Variants in F2 observed in about 807,000 individuals in gnomAD.
The protein encoded by F2 is prothrombin.
Under a neutral mutation model 81.9 loss-of-function variants are expected in F2, and 34 were observed. That is an observed-to-expected ratio of 0.42 (90% CI 0.32 to 0.55). F2 has a LOEUF of 0.55. Ranked by LOEUF, F2 falls within the 20% of genes least tolerant of loss-of-function variation. The pLI is 0.18. For missense variants in F2, 630 were observed against 833.4 expected, an observed-to-expected ratio of 0.76 and a Z score of 3.00; for synonymous variants, 296 against 326.4, an observed-to-expected ratio of 0.91 and a Z score of 1.01.
Position 46,727,784 on chromosome 11 carries a change from T to A in F2, c.1131-212T>A, listed in dbSNP as rs3136469. On this transcript the variant is annotated intron_variant, in intron 9 of 13. Transcript: ENST00000311907. The stretch of plus-strand genomic sequence containing the variant: ...CAAGAGTGAGACCCTGTCTCAAAAA[T>A]AAATAAATAAATAAATAAAAAAGTG... Among the ~76,000 whole-genome samples, 9,834 of 151,552 alleles carry A rather than the reference T, an allele frequency of 0.065. 376 individuals are homozygous for A. Among genetic ancestry groups the A allele is most frequent in the Non-Finnish European group, 0.088 (5,974 of 67,842 alleles).
chr11:46,725,859 G>A lies in F2; in HGVS notation c.560G>A (p.Gly187Asp), dbSNP rs1167078314. The change falls in exon 7 of 14, where the codon GGC (glycine) becomes GAC (aspartate). Residue 187 changes from glycine (G) to aspartate (D), a missense_variant and splice_region_variant. Transcript: ENST00000311907. ...TGCCTCCTTGCCCCTCACCCACCAG[G>A]CCAGGATCAAGTCACTGTAGCGATG... ...RRQECSIPVC[G>D]QDQVTVAMTP... 6.2e-7 allele frequency: 1 copy of A among 1,612,590 alleles called. No individual in the cohort carries two copies. Among genetic ancestry groups the A allele is most frequent in the South Asian group, 1.1e-5 (1 of 91,032 alleles).
rs373387466 is a variant in F2 at position 46,726,184 on chromosome 11, T to C, written c.874+11T>C. ...ACCTCAACTATTGTGGTGAGCTGCCTGGGTAGGGGGCCTGAGTTGCAGGGA... is the reference window on the plus strand; with the variant it reads ...ACCTCAACTATTGTGGTGAGCTGCCCGGGTAGGGGGCCTGAGTTGCAGGGA... On this transcript the variant is annotated intron_variant, in intron 7 of 13. Coordinates refer to ENST00000311907, the MANE Select transcript of F2 (RefSeq NM_000506.5). The surrounding 1 kb of genome is among the most constrained non-coding windows in gnomAD (Gnocchi z 5.9). The C allele has an allele frequency of 7.4e-6, 12 of 1,612,266 alleles. No individual in the cohort carries two copies. The African/African-American group carries it at 9.3e-5, about 13-fold the overall frequency.
Position 46,720,665 on chromosome 11 carries a change from C to T in F2, c.265+118C>T, listed in dbSNP as rs1416239486. ...TCCACCCATCCACCCCTTCCCCACT[C>T]CTTCCTTGGTCCCTCCCATCTGTTC... On this transcript the variant is annotated intron_variant, in intron 3 of 13. Transcript: ENST00000311907. The T allele has an allele frequency of 1.9e-5, 29 of 1,497,048 alleles. 1 individual carries two copies. Among genetic ancestry groups the T allele is most frequent in the Non-Finnish European group, 2.6e-5 (28 of 1,073,896 alleles). 92.7% of individuals were successfully genotyped at this position (1,497,048 alleles called of 1,614,324 possible).
At chr11:46,725,058 C>T (rs2064862833) in intron 6 of F2, among the ~76,000 whole-genome samples, 1 of 144,972 alleles carries the variant, frequency 6.9e-6, no homozygotes, top group East Asian at 2.1e-4. Context: ...GGGTGAGGCA[C>T]TGCGCCCGGC....
In F2 at chr11:46,728,927, C is replaced by T; in HGVS notation, c.1472+90C>T. On this transcript the variant is annotated intron_variant, in intron 11 of 13. Coordinates refer to ENST00000311907, the MANE Select transcript of F2 (RefSeq NM_000506.5). The surrounding 1 kb of genome is among the most constrained non-coding windows in gnomAD (Gnocchi z 5.1). ...AAGTAGCCTTGCAAGAGCCCCTTTC[C>T]CTTTTCCAGGCCTCGGTTTCTTGGA... The T allele has an allele frequency of 7.0e-7, 1 of 1,430,136 alleles. No homozygotes were observed. Among genetic ancestry groups the T allele is most frequent in the Non-Finnish European group, 9.7e-7 (1 of 1,026,892 alleles). 88.6% of individuals were successfully genotyped at this position (1,430,136 alleles called of 1,614,324 possible).
rs951607803 is a variant in F2, at chr11:46,731,332, G to C, written c.1654+1771G>C. ...ATTACAGGTGCCTGCCACCACGCCC[G>C]GCTAACTTTTTGTATTTTTAGTATT... On this transcript the variant is annotated intron_variant, in intron 12 of 13. Transcript: ENST00000311907. 8.8e-5 allele frequency among the ~76,000 whole-genome samples: 13 copies of C among 147,854 alleles called. No homozygotes were observed. The Admixed American group carries it at 8.9e-4, about 10-fold the overall frequency.
intron 12 of F2, among the ~76,000 whole-genome samples, chr11:46,732,937 G>A (rs2064922355): frequency 6.6e-6 from 1 of 152,146 alleles, no homozygotes; most frequent in Non-Finnish European, 1.5e-5. Context: ...TTAGAACTGA[G>A]ATCTGGGTGC....
chr11:46,738,221 A>T (rs2064956460), intron 12 of F2, among the ~76,000 whole-genome samples: 1 of 151,216 alleles, frequency 6.6e-6, no homozygotes, highest in Non-Finnish European at 1.5e-5. Flanking sequence ...GGCTGGTCTT[A>T]AACTCCTGAC....
At chr11:46,733,328 C>T (rs770361607) in intron 12 of F2, among the ~76,000 whole-genome samples, 11 of 152,256 alleles carry the variant, frequency 7.2e-5, no homozygotes, top group Middle Eastern at 6.8e-3. Context: ...TTTAGCCTCC[C>T]GAGTAGCCAG....
chr11:46,732,323 T>G (rs2064918508), intron 12 of F2, among the ~76,000 whole-genome samples: 1 of 152,130 alleles, frequency 6.6e-6, no homozygotes, highest in African/African-American at 2.4e-5. Context: ...TTAGTTACTT[T>G]ATTGCTTTCC....
rs1454493144 is a variant in F2, at chr11:46,723,751, G to A, written c.559+233G>A. ...ACTAAAAATACAAAAATTGCCAGGC[G>A]TGGTGGTGGGCGCCTGTAATCCCAA... On this transcript the variant is annotated intron_variant, in intron 6 of 13. Transcript: ENST00000311907. This position sits in a 1 kb window ranked among gnomAD's most constrained non-coding sequence, Gnocchi z 5.6. Among the ~76,000 whole-genome samples the A allele has an allele frequency of 3.9e-5, 6 of 152,286 alleles. No homozygotes were observed. The highest frequency in any genetic ancestry group is 9.6e-5 in the African/African-American group (4 of 41,560).
chr11:46,722,997 A>C, intron 4 of F2, 183 bp from the exon 5 acceptor site: 1 of 711,886 alleles, frequency 1.4e-6, no homozygotes, highest in Non-Finnish European at 2.6e-6. Flanking sequence ...CACTTAGCGA[A>C]TATTTGGAGG....
chr11:46,734,700 A>G (rs2064933823), intron 12 of F2, among the ~76,000 whole-genome samples: 1 of 152,138 alleles, frequency 6.6e-6, no homozygotes, highest in Non-Finnish European at 1.5e-5. Context: ...AGTCCCAGCT[A>G]CTCAGGAGAC....
In F2 at chr11:46,726,898, C is replaced by T. The variant is rs2064878099; in HGVS notation, c.1130+61C>T. The stretch of plus-strand genomic sequence containing the variant: ...GGGGGCAGGTGTGCTGCTGGACCCC[C>T]ACCCTCAGGCCCTGCCTGCAGGCCT... On this transcript the variant is annotated intron_variant, in intron 9 of 13. Coordinates refer to ENST00000311907, the MANE Select transcript of F2 (RefSeq NM_000506.5). The surrounding 1 kb of genome is among the most constrained non-coding windows in gnomAD (Gnocchi z 5.9). 11 of 1,607,968 alleles carry T rather than the reference C, an allele frequency of 6.8e-6. No homozygotes were observed. In the South Asian group the frequency reaches 9.9e-5, roughly 14 times the overall value.
In F2 at chr11:46,728,166, A is replaced by C; in HGVS notation, c.1298+3A>C. The C allele has an allele frequency of 6.2e-7, 1 of 1,606,478 alleles. No homozygotes were observed. The highest frequency in any genetic ancestry group is 2.2e-5 in the East Asian group (1 of 44,748). Reference sequence around the variant, plus strand: ...ATTGGCAAGCACTCCCGCACCAGGTACAGAACTGGTGGCCCGTGGGTGTCT... The same window carrying C: ...ATTGGCAAGCACTCCCGCACCAGGTCCAGAACTGGTGGCCCGTGGGTGTCT... On this transcript the variant is annotated splice_donor_region_variant and intron_variant, in intron 10 of 13. Coordinates refer to ENST00000311907, the MANE Select transcript of F2 (RefSeq NM_000506.5). This position sits in a 1 kb window ranked among gnomAD's most constrained non-coding sequence, Gnocchi z 5.1.
At position 46,719,813 on chromosome 11, in the gene F2, C is replaced by T. The variant is rs142001812; in HGVS notation, c.191C>T (p.Thr64Met). 803 of 1,590,978 alleles carry T rather than the reference C, an allele frequency of 5.0e-4. No individual in the cohort carries two copies. Among genetic ancestry groups the T allele is most frequent in the Non-Finnish European group, 6.5e-4 (756 of 1,169,580 alleles). ...CTGGAGCGAGAGTGCGTGGAGGAGACGTGCAGCTACGAGGAGGCCTTCGAG... is the reference window on the plus strand; with the variant it reads ...CTGGAGCGAGAGTGCGTGGAGGAGATGTGCAGCTACGAGGAGGCCTTCGAG... ...GNLERECVEE[T>M]CSYEEAFEAL... is the part of the protein sequence containing the mutation. The change falls in exon 2 of 14, where the codon ACG becomes ATG. Residue 64 changes from threonine (T) to methionine (M), a missense_variant. Coordinates refer to ENST00000311907, the MANE Select transcript of F2 (RefSeq NM_000506.5). The surrounding 1 kb of genome is among the most constrained non-coding windows in gnomAD (Gnocchi z 4.7).
Position 46,726,358 on chromosome 11 carries a change from T to G in F2, c.875-140T>G. 1 of 1,488,478 alleles carries G rather than the reference T, an allele frequency of 6.7e-7. No homozygotes were observed. Among genetic ancestry groups the G allele is most frequent in the Non-Finnish European group, 9.1e-7 (1 of 1,096,288 alleles). 92.2% of individuals were successfully genotyped at this position (1,488,478 alleles called of 1,614,324 possible). ...AGTACACTGAGGCCCCAGGAGGTTA[T>G]TGCCTAGTAGCCCAACTGTGCATGC... On this transcript the variant is annotated intron_variant, in intron 7 of 13. Transcript: ENST00000311907. The surrounding 1 kb of genome is among the most constrained non-coding windows in gnomAD (Gnocchi z 5.9).
chr11:46,737,641 C>T (rs1047533265), intron 12 of F2, among the ~76,000 whole-genome samples: 3 of 142,632 alleles, frequency 2.1e-5, no homozygotes, highest in Non-Finnish European at 4.6e-5. Context: ...GGTTTCACCG[C>T]GTTCGCCAGG....
At chr11:46,732,006 C>T (rs1031255515) in intron 12 of F2, among the ~76,000 whole-genome samples, 1 of 151,072 alleles carries the variant, frequency 6.6e-6, no homozygotes, top group Non-Finnish European at 1.5e-5. Context: ...ACCTCCATCC[C>T]CCAGGTTCAA....
Sources: gnomAD v4.1 joint callset for allele counts (sites outside exome capture counted in the v4.1 genomes callset) on GRCh38, gnomAD v4.1.1 for gene constraint, Gnocchi (gnomAD v3.1) non-coding constraint, MANE v1.5 for transcripts, NCBI Gene and HGNC (gene_info 2026-07-23, HGNC 2026-07-21) for gene names.